The following TENM1 variants were observed in gnomAD, a reference collection of about 807,000 sequenced individuals.
TENM1 encodes teneurin transmembrane protein 1, also known as teneurin-1.
Under a neutral mutation model 174.8 loss-of-function variants are expected in TENM1, and 35 were observed. The ratio of observed to expected loss-of-function variants is 0.20; its 90% CI spans 0.15 to 0.27. The LOEUF is 0.27. Ranked by LOEUF, TENM1 falls within the 10% of genes least tolerant of loss-of-function variation. The probability of loss-of-function intolerance (pLI) is 1.00; values close to 1 mark genes in which losing one functional copy is unlikely to be tolerated. For synonymous variants in TENM1, 781 were observed against 798.7 expected (o/e 0.98, Z 0.37); for missense variants, 1,633 against 2,130.1 (o/e 0.77, Z 4.59).
At chrX:124,968,243 T>C (rs1430473242), upstream of TENM1, among the ~76,000 whole-genome samples, 1 of 112,119 alleles carries the variant, frequency 8.9e-6, no homozygotes, top group Non-Finnish European at 1.9e-5. Context: ...AACGAATTCA[T>C]TTCAACTTAA....
chrX:124,959,901 T>G (rs1292843076), intron 1 of TENM1, among the ~76,000 whole-genome samples: 1 of 111,860 alleles, frequency 8.9e-6, no homozygotes, highest in Non-Finnish European at 1.9e-5. Flanking sequence ...AGACATTGTT[T>G]GGACCTCTAA....
the TENM1 span, among the ~76,000 whole-genome samples, chrX:124,980,454 T>C: frequency 9.0e-6 from 1 of 111,246 alleles, no homozygotes; most frequent in Non-Finnish European, 1.9e-5. Flanking sequence ...AAACCCATTG[T>C]AAAGCTGAAA....
rs1602542911 is a variant in TENM1, at chrX:124,497,982, C to T, written c.3446-717G>A. 3.6e-5 allele frequency among the ~76,000 whole-genome samples: 4 copies of T among 111,620 alleles called. No homozygotes were observed. The South Asian group carries it at 1.5e-3, about 42-fold the overall frequency. The stretch of plus-strand genomic sequence containing the variant: ...ACTTTCTCCCATCCAGAGTTCTTAA[C>T]TGACATGCCATTTCCTTCTAGACCT... On this transcript the variant is annotated intron_variant, in intron 19 of 31. Coordinates refer to ENST00000422452, the Ensembl canonical transcript of TENM1.
At chrX:124,623,805 T>C (rs1437098421) in intron 11 of TENM1, among the ~76,000 whole-genome samples, 1 of 111,945 alleles carries the variant, frequency 8.9e-6, no homozygotes, top group African/African-American at 3.2e-5. Flanking sequence ...CACATGCCAC[T>C]GTCAAAGCGA....
chrX:124,639,234 A>T (rs1198159031), intron 11 of TENM1, among the ~76,000 whole-genome samples: 1 of 111,687 alleles, frequency 9.0e-6, no homozygotes, highest in African/African-American at 3.3e-5. Context: ...CTATAGCTAT[A>T]CCCAATGGCT....
intron 27 of TENM1, among the ~76,000 whole-genome samples, chrX:124,400,861 G>A (rs895076366): frequency 4.4e-5 from 5 of 112,494 alleles, no homozygotes; most frequent in Non-Finnish European, 7.5e-5. Context: ...TATGGGGACA[G>A]ATTGATGCAG....
chrX:124,954,213 G>A (rs1205936080), intron 1 of TENM1, among the ~76,000 whole-genome samples: 1 of 111,378 alleles, frequency 9.0e-6, no homozygotes, highest in African/African-American at 3.3e-5. Context: ...GTAATAAATT[G>A]GTATCTAGGA....
intron 15 of TENM1, among the ~76,000 whole-genome samples, chrX:124,538,208 G>GA (rs1467591634): frequency 8.9e-6 from 1 of 111,885 alleles, no homozygotes; most frequent in Non-Finnish European, 1.9e-5. Context: ...AGTATAGTCT[G>GA]AAAATCAAGA....
chrX:125,076,492 C>T, the TENM1 span, among the ~76,000 whole-genome samples: 3 of 111,217 alleles, frequency 2.7e-5, no homozygotes, highest in East Asian at 2.9e-4. Context: ...AAGGATCTCT[C>T]GTGATGATGG....
the TENM1 span, among the ~76,000 whole-genome samples, chrX:124,970,462 T>C: frequency 0.33 from 36,961 of 110,911 alleles, 4,503 homozygotes; most frequent in Admixed American, 0.43. Flanking sequence ...TAATAAGGAC[T>C]TATTACATTA....
At chrX:124,638,705 T>C (rs1238731751) in intron 11 of TENM1, among the ~76,000 whole-genome samples, 5 of 111,335 alleles carry the variant, frequency 4.5e-5, no homozygotes, top group Non-Finnish European at 9.4e-5. Flanking sequence ...ATTTCATTAT[T>C]GACTATCAAC....
At chrX:124,720,431 G>A (rs1188417188) in intron 4 of TENM1, among the ~76,000 whole-genome samples, 1 of 111,661 alleles carries the variant, frequency 9.0e-6, no homozygotes, top group Non-Finnish European at 1.9e-5. Context: ...TGACCTGGAA[G>A]CTCCCCACCT....
intron 3 of TENM1, among the ~76,000 whole-genome samples, chrX:124,781,898 C>A (rs2054921021): frequency 8.9e-6 from 1 of 111,944 alleles, no homozygotes; most frequent in African/African-American, 3.2e-5. Flanking sequence ...TTGTTCACTA[C>A]ATTCCTCTCC....
chrX:124,577,051 C>A (rs909181166), intron 11 of TENM1, among the ~76,000 whole-genome samples: 22 of 112,192 alleles, frequency 2.0e-4, no homozygotes, highest in African/African-American at 6.8e-4. Context: ...TTCACGAAGA[C>A]TAAAAGTCTT....
At chrX:125,009,689 C>A in the TENM1 span, among the ~76,000 whole-genome samples, 4 of 112,048 alleles carry the variant, frequency 3.6e-5, no homozygotes, top group African/African-American at 1.3e-4. Context: ...CCAACACTAT[C>A]AAGTCAGCTT....
the TENM1 span, among the ~76,000 whole-genome samples, chrX:125,136,577 C>A: frequency 6.8e-3 from 752 of 111,242 alleles, 7 homozygotes; most frequent in African/African-American, 0.023. Flanking sequence ...TTAAAAGTGA[C>A]CAGAAAACAA....
intron 3 of TENM1, among the ~76,000 whole-genome samples, chrX:124,749,347 T>G (rs2054009380): frequency 8.9e-6 from 1 of 112,176 alleles, no homozygotes; most frequent in Non-Finnish European, 1.9e-5. Flanking sequence ...TACATGCATT[T>G]CTAAAGTATC....
At chrX:124,540,623 C>A (rs1380054846) in intron 15 of TENM1, among the ~76,000 whole-genome samples, 1 of 111,678 alleles carries the variant, frequency 9.0e-6, no homozygotes, top group African/African-American at 3.3e-5. Flanking sequence ...TTACATTAAA[C>A]AAGTTATGAT....
At chrX:124,563,000 T>C (rs1357182833) in intron 13 of TENM1, among the ~76,000 whole-genome samples, 2 of 112,048 alleles carry the variant, frequency 1.8e-5, no homozygotes, top group Admixed American at 1.9e-4. Flanking sequence ...CAGATGGTTG[T>C]TAGAAAATAT....
Sources: allele counts gnomAD v4.1 joint callset (sites outside exome capture counted in the v4.1 genomes callset), GRCh38; gene constraint gnomAD v4.1.1; transcripts MANE v1.5; gene names NCBI Gene and HGNC (gene_info 2026-07-23, HGNC 2026-07-21).